Variants in NF1 observed in about 807,000 individuals in gnomAD.
NF1 encodes neurofibromin.
NF1 carries 122 observed loss-of-function variants against 325.7 expected under a neutral mutation model. The ratio of observed to expected loss-of-function variants is 0.37; its 90% CI spans 0.32 to 0.44. The LOEUF (loss-of-function observed/expected upper bound fraction) is 0.44. Among genes scored for constraint, NF1 ranks in the 20% least tolerant of loss-of-function variants. The pLI is 1.00. For missense variants in NF1, 2,140 were observed against 3,415.4 expected, an observed-to-expected ratio of 0.63 and a Z score of 9.31; for synonymous variants, 1,091 against 1,186.0, an observed-to-expected ratio of 0.92 and a Z score of 1.65.
intron 36 of NF1, among the ~76,000 whole-genome samples, chr17:31,293,573 A>C (rs879375331): frequency 2.0e-5 from 3 of 152,200 alleles, no homozygotes; most frequent in Non-Finnish European, 4.4e-5. Flanking sequence ...AAAAGCAAAA[A>C]AAAGAACACA....
chr17:31,335,317 G>T, intron 40 of NF1, among the ~76,000 whole-genome samples: 1 of 8,788 alleles, frequency 1.1e-4, no homozygotes, highest in Non-Finnish European at 1.9e-4. Context: ...GAAGGAGACT[G>T]TGCAAATAAC....
chr17:31,209,290 C>T (rs979770121), intron 12 of NF1, among the ~76,000 whole-genome samples: 1 of 152,182 alleles, frequency 6.6e-6, no homozygotes, highest in Non-Finnish European at 1.5e-5. Flanking sequence ...TAAACCTGAG[C>T]CATTAGCTTG....
chr17:31,110,226 A>G (rs1019199304), intron 1 of NF1, among the ~76,000 whole-genome samples: 2 of 152,194 alleles, frequency 1.3e-5, no homozygotes, highest in Non-Finnish European at 2.9e-5. Flanking sequence ...GAAAACCACA[A>G]TTGGATGAAC....
Position 31,352,260 on chromosome 17 carries a change from A to G in NF1, c.7461A>G (p.Thr2487=), listed in dbSNP as rs149924365. 167 of 1,613,966 alleles carry G rather than the reference A, an allele frequency of 1.0e-4. No homozygotes were observed. In the African/African-American group the frequency reaches 2.0e-3, roughly 20 times the overall value. Reference sequence around the variant, plus strand: ...CTCTATTGTTTTCATCTTTCAGGACACTAAAGGAGACTCAGCCATGGTCCT... The same window carrying G: ...CTCTATTGTTTTCATCTTTCAGGACGCTAAAGGAGACTCAGCCATGGTCCT... ...PIHHGDPSYR[T]LKETQPWSSP... The change falls in exon 51 of 58, where the codon ACA becomes ACG. Residue 2487 remains threonine, a synonymous_variant. Coordinates refer to ENST00000358273, the MANE Select transcript of NF1 (RefSeq NM_001042492.3).
chr17:31,294,247 C>G (rs1235789739), intron 36 of NF1, among the ~76,000 whole-genome samples: 1 of 152,138 alleles, frequency 6.6e-6, no homozygotes, highest in African/African-American at 2.4e-5. Context: ...TGCACTAAAA[C>G]TGCTTCTTTA....
intron 11 of NF1, 94 bp from the exon 12 acceptor site, chr17:31,206,146 A>G: frequency 1.4e-6 from 2 of 1,457,662 alleles, no homozygotes; most frequent in Non-Finnish European, 1.9e-6. Context: ...AGTTCCCGAC[A>G]AAAGGATAAA....
chr17:31,375,012 T>TTA lies in NF1; in HGVS notation c.*873_*874dup, dbSNP rs369548314. On this transcript the variant is annotated 3_prime_UTR_variant, in exon 58 of 58. Transcript: ENST00000358273. ...ACCAAAACTATACTAAGTATAGTAA[T>TTA]TATATATATATATATATTTTTTCCC... 2.7e-3 allele frequency: 531 copies of TTA among 193,100 alleles called. 1 individual carries two copies. In the South Asian group the frequency reaches 0.029, roughly 11 times the overall value. The allele number at this position is 193,100 out of a possible 1,614,324, so 12.0% of individuals were successfully genotyped here.
intron 16 of NF1, among the ~76,000 whole-genome samples, chr17:31,224,251 A>C (rs1416678315): frequency 6.6e-6 from 1 of 152,186 alleles, no homozygotes; most frequent in Admixed American, 6.5e-5. Context: ...GATAGAGAAG[A>C]GCCTTAAATT....
chr17:31,359,461 T>C, intron 56 of NF1: 1 of 189,452 alleles, frequency 5.3e-6, no homozygotes, highest in Non-Finnish European at 1.1e-5. Flanking sequence ...AGTTTTTTTG[T>C]TTGTTTGTTT....
intron 36 of NF1, among the ~76,000 whole-genome samples, chr17:31,284,614 T>TTTCG (rs929205579): frequency 3.3e-5 from 5 of 150,958 alleles, no homozygotes; most frequent in African/African-American, 1.2e-4. Context: ...AGAGACGGGG[T>TTTCG]TTCGCTATGT....
In NF1 at chr17:31,178,268, A is replaced by G. The variant is rs900065584; in HGVS notation, c.587-3154A>G. 2.6e-5 allele frequency among the ~76,000 whole-genome samples: 4 copies of G among 152,350 alleles called. No homozygotes were observed. In the East Asian group the frequency reaches 7.7e-4, roughly 29 times the overall value. On this transcript the variant is annotated intron_variant, in intron 5 of 57. Transcript: ENST00000358273. Reference sequence around the variant, plus strand: ...ACAGAATTTCATATCCAGGCAAACTAAGCTTCATAAGCGAAGGAGAAATAA... The same window carrying G: ...ACAGAATTTCATATCCAGGCAAACTGAGCTTCATAAGCGAAGGAGAAATAA...
chr17:31,312,831 A>G (rs1366734658), intron 36 of NF1, among the ~76,000 whole-genome samples: 1 of 151,266 alleles, frequency 6.6e-6, no homozygotes, highest in Non-Finnish European at 1.5e-5. Context: ...TTATTCCCTG[A>G]AATTACAAGT....
At chr17:31,341,621 A>ATG (rs1763147773) in intron 47 of NF1, among the ~76,000 whole-genome samples, 7 of 43,832 alleles carry the variant, frequency 1.6e-4, no homozygotes, top group Admixed American at 4.8e-4. Context: ...GTGTGTGTGT[A>ATG]CACACATAAA....
At chr17:31,338,215 A>G in intron 45 of NF1, 76 bp downstream of exon 45, 1 of 1,075,612 alleles carries the variant, frequency 9.3e-7, no homozygotes, top group Non-Finnish European at 1.5e-6. Flanking sequence ...TTTTTCTAAA[A>G]GACGTTTAAA....
chr17:31,261,999 A>C (rs985099237), intron 35 of NF1, 142 bp downstream of exon 35: 1 of 715,362 alleles, frequency 1.4e-6, no homozygotes, highest in Non-Finnish European at 2.4e-6. Flanking sequence ...GGGGAATCCA[A>C]CTATATATTA....
intron 36 of NF1, chr17:31,296,476 TAACA>T (rs2068467664): frequency 3.8e-6 from 3 of 785,924 alleles, no homozygotes; most frequent in Admixed American, 1.8e-5. Flanking sequence ...GTGATTAAAC[TAACA>T]AAGCTCCCCT....
chr17:31,211,623 C>T (rs768198214), intron 12 of NF1, among the ~76,000 whole-genome samples: 20 of 152,188 alleles, frequency 1.3e-4, no homozygotes, highest in Non-Finnish European at 2.9e-5. Flanking sequence ...GCCTACTGCT[C>T]CTAGGCTGCA....
intron 31 of NF1, chr17:31,253,252 T>C: frequency 4.8e-6 from 2 of 419,188 alleles, no homozygotes; most frequent in Non-Finnish European, 8.8e-6. Flanking sequence ...ATATCCTTGG[T>C]CTAATTTTAT....
At position 31,170,270 on chromosome 17, in the gene NF1, A is replaced by G. The variant is rs138239023; in HGVS notation, c.586+273A>G. 3.1e-3 allele frequency among the ~76,000 whole-genome samples: 467 copies of G among 152,274 alleles called. 3 individuals are homozygous for G. The highest frequency in any genetic ancestry group is 0.011 in the African/African-American group (452 of 41,552). On this transcript the variant is annotated intron_variant, in intron 5 of 57. Transcript: ENST00000358273. ...TCAATACAGAGAATGCAAGGGTGCT[A>G]TTATTTCATTTTTCTGGAATTTGAT...
Sources: gnomAD v4.1 joint callset for allele counts (sites outside exome capture counted in the v4.1 genomes callset) on GRCh38, gnomAD v4.1.1 for gene constraint, MANE v1.5 for transcripts, NCBI Gene and HGNC (gene_info 2026-07-23, HGNC 2026-07-21) for gene names.